Variants in ADGRA3 observed in about 807,000 individuals in gnomAD.
The protein encoded by ADGRA3 is adhesion G protein-coupled receptor A3.
A neutral mutation model predicts 119.8 loss-of-function variants in ADGRA3; 56 were observed. The ratio of observed to expected loss-of-function variants is 0.47; its 90% CI spans 0.38 to 0.58. ADGRA3 has a LOEUF of 0.58. Among genes scored for constraint, ADGRA3 ranks in the 20% least tolerant of loss-of-function variants. The pLI is 0.00. For synonymous variants in ADGRA3, 607 were observed against 623.8 expected (o/e 0.97, Z 0.40); for missense variants, 1,516 against 1,649.0 (o/e 0.92, Z 1.40).
chr4:22,481,031 C>A (rs888760791), intron 1 of ADGRA3, among the ~76,000 whole-genome samples: 1 of 152,106 alleles, frequency 6.6e-6, no homozygotes, highest in African/African-American at 2.4e-5. Context: ...CAGAGCAAGA[C>A]CCAGTCTCAA....
At chr4:22,499,100 T>C (rs1317461407) in intron 1 of ADGRA3, among the ~76,000 whole-genome samples, 1 of 152,156 alleles carries the variant, frequency 6.6e-6, no homozygotes, top group South Asian at 2.1e-4. Context: ...TAAGTACAAG[T>C]AGCCCCAATG....
At chr4:22,468,153 A>C (rs905122547) in intron 2 of ADGRA3, among the ~76,000 whole-genome samples, 1 of 152,046 alleles carries the variant, frequency 6.6e-6, no homozygotes, top group Non-Finnish European at 1.5e-5. Flanking sequence ...TTCAGAAATC[A>C]CCTCCAACCA....
rs562377132 is a variant in ADGRA3, at chr4:22,389,263, A to G, written c.2628-80T>C. ...TCTCTCATAATGTCTCAGTACTTCA[A>G]AAGTCATTCCCTGAAGATTAATTAT... On this transcript the variant is annotated intron_variant, in intron 17 of 18. Transcript: ENST00000334304. The G allele has an allele frequency of 3.8e-5, 34 of 903,524 alleles. No individual in the cohort carries two copies. In the East Asian group the frequency reaches 7.0e-4, roughly 19 times the overall value. 56.0% of individuals were successfully genotyped at this position (903,524 alleles called of 1,614,324 possible). A position where few individuals can be genotyped will look rare whatever the true frequency, so the allele number is the denominator to read the frequency against.
intron 3 of ADGRA3, among the ~76,000 whole-genome samples, chr4:22,459,655 C>T (rs1335390894): frequency 6.6e-6 from 1 of 151,734 alleles, no homozygotes; most frequent in Non-Finnish European, 1.5e-5. Flanking sequence ...AATACCCACA[C>T]ACACTGGAGG....
intron 16 of ADGRA3, among the ~76,000 whole-genome samples, chr4:22,397,423 G>A (rs1362955476): frequency 4.6e-5 from 7 of 151,872 alleles, no homozygotes; most frequent in African/African-American, 7.3e-5. Context: ...CTCGTGATCC[G>A]CCTGCCTCAG....
chr4:22,490,252 A>C (rs1474506971), intron 1 of ADGRA3, among the ~76,000 whole-genome samples: 1 of 113,882 alleles, frequency 8.8e-6, no homozygotes, highest in Non-Finnish European at 2.1e-5. Context: ...AAAATGAAAA[A>C]CTGTTTATTA....
At chr4:22,485,965 C>G (rs943884713) in intron 1 of ADGRA3, among the ~76,000 whole-genome samples, 1 of 152,160 alleles carries the variant, frequency 6.6e-6, no homozygotes, top group African/African-American at 2.4e-5. Flanking sequence ...TGTTGCCACC[C>G]CCTATGGTTT....
At chr4:22,487,355 C>A (rs1030228391) in intron 1 of ADGRA3, among the ~76,000 whole-genome samples, 6 of 152,274 alleles carry the variant, frequency 3.9e-5, no homozygotes, top group South Asian at 2.1e-4. Flanking sequence ...GCATTAGATT[C>A]TCATAAAGAG....
chr4:22,460,453 C>T (rs1244895196), intron 3 of ADGRA3, among the ~76,000 whole-genome samples: 2 of 152,224 alleles, frequency 1.3e-5, no homozygotes, highest in Non-Finnish European at 2.9e-5. Flanking sequence ...CAGGAGAGGG[C>T]TTTGGACCCT....
intron 4 of ADGRA3, among the ~76,000 whole-genome samples, chr4:22,451,192 T>C (rs1717029700): frequency 6.6e-6 from 1 of 151,994 alleles, no homozygotes. Flanking sequence ...GGGAAGTTCT[T>C]ATAAATACAT....
At chr4:22,433,525 A>G (rs1216877140) in intron 10 of ADGRA3, among the ~76,000 whole-genome samples, 1 of 152,186 alleles carries the variant, frequency 6.6e-6, no homozygotes, top group Non-Finnish European at 1.5e-5. Flanking sequence ...CCAGTTCAGT[A>G]CAATGCTTCC....
intron 1 of ADGRA3, among the ~76,000 whole-genome samples, chr4:22,507,731 G>A (rs962333477): frequency 1.3e-5 from 2 of 152,108 alleles, no homozygotes; most frequent in Non-Finnish European, 2.9e-5. Flanking sequence ...TTGCATTCAT[G>A]GACCAAATGC....
intron 1 of ADGRA3, among the ~76,000 whole-genome samples, chr4:22,479,187 G>A (rs527855496): frequency 6.6e-6 from 1 of 152,274 alleles, no homozygotes; most frequent in East Asian, 1.9e-4. Flanking sequence ...TCAGGGGCTG[G>A]GCACGGTGGC....
intron 2 of ADGRA3, among the ~76,000 whole-genome samples, chr4:22,466,294 C>T (rs911026919): frequency 1.3e-5 from 2 of 152,120 alleles, no homozygotes; most frequent in African/African-American, 4.8e-5. Context: ...AAGGGTATTT[C>T]CTCTCACCTC....
chr4:22,448,145 G>T (rs891366214), intron 4 of ADGRA3, among the ~76,000 whole-genome samples: 3 of 152,168 alleles, frequency 2.0e-5, no homozygotes, highest in African/African-American at 7.2e-5. Context: ...TCTACAATGT[G>T]AGTGGTTTGT....
intron 6 of ADGRA3, among the ~76,000 whole-genome samples, chr4:22,443,926 T>G (rs1716728176): frequency 6.6e-6 from 1 of 152,096 alleles, no homozygotes; most frequent in Admixed American, 6.5e-5. Flanking sequence ...AGGAAAAAAA[T>G]ATGATAGCTT....
At chr4:22,506,906 T>C (rs956726551) in intron 1 of ADGRA3, among the ~76,000 whole-genome samples, 2 of 152,194 alleles carry the variant, frequency 1.3e-5, no homozygotes, top group African/African-American at 4.8e-5. Flanking sequence ...AGTTTGCATT[T>C]ATAGCTTCCT....
Position 22,515,749 on chromosome 4 carries a change from C to G in ADGRA3, c.36G>C (p.Gln12His), listed in dbSNP as rs1339427913. The G allele has an allele frequency of 9.7e-7, 1 of 1,029,784 alleles. No individual in the cohort carries two copies. The highest frequency in any genetic ancestry group is 4.2e-5 in the South Asian group (1 of 24,050). The allele number at this position is 1,029,784 out of a possible 1,614,324, so 63.8% of individuals were successfully genotyped here. Reference sequence around the variant, plus strand: ...GCGAGAGCGGCAGCAACAGCGGCGGCTGCGCGCGGCCCCGCCGGCGTCCGG... The same window carrying G: ...GCGAGAGCGGCAGCAACAGCGGCGGGTGCGCGCGGCCCCGCCGGCGTCCGG... ...EPPGRRRGRAQPPLLLPLSLL... is the reference protein window; with the variant it reads ...EPPGRRRGRAHPPLLLPLSLL... Residue 12 changes from glutamine (Q) to histidine (H), a missense_variant, in exon 1 of 19, where the codon CAG becomes CAC. By Grantham distance (24) the Gln-to-His change is conservative. Transcript: ENST00000334304.
intron 1 of ADGRA3, among the ~76,000 whole-genome samples, chr4:22,503,757 G>C (rs1055102446): frequency 6.6e-6 from 1 of 152,106 alleles, no homozygotes; most frequent in Non-Finnish European, 1.5e-5. Flanking sequence ...AACATTTACC[G>C]ATCGCATTTA....
Sources: gnomAD v4.1 joint callset for allele counts (sites outside exome capture counted in the v4.1 genomes callset) on GRCh38, gnomAD v4.1.1 for gene constraint, MANE v1.5 for transcripts, NCBI Gene and HGNC (gene_info 2026-07-23, HGNC 2026-07-21) for gene names.